Variants in PLAC1 observed in about 807,000 individuals in gnomAD.
PLAC1 encodes the protein placenta-specific protein 1.
For missense variants in PLAC1, 136 were observed against 163.2 expected (o/e 0.83, Z 0.91); for synonymous variants, 68 against 62.1 (o/e 1.09, Z -0.44).
At chrX:134,585,236 C>T (rs1363182356) in intron 2 of PLAC1, among the ~76,000 whole-genome samples, 1 of 103,876 alleles carries the variant, frequency 9.6e-6, no homozygotes, top group Non-Finnish European at 2.0e-5. Context: ...GCCCCAGCTA[C>T]TCGGGAGGCT....
intron 2 of PLAC1, among the ~76,000 whole-genome samples, chrX:134,585,741 G>A (rs1310627713): frequency 9.0e-6 from 1 of 110,678 alleles, no homozygotes; most frequent in Non-Finnish European, 1.9e-5. Flanking sequence ...TCTATGGGGG[G>A]TAGAATTTAA....
In PLAC1 at chrX:134,694,095, C is replaced by G. The variant is rs148361919; in HGVS notation, n.174+39340G>C. On this transcript the variant is annotated intron_variant and non_coding_transcript_variant, in intron 2 of 2. Coordinates refer to the PLAC1 transcript ENST00000466797. ...TTTTTTTCTCATCAAGAATCTAACC[C>G]CTTATAAGACAGGACTTTGCCATAT... Among the ~76,000 whole-genome samples the G allele has an allele frequency of 2.7e-3, 295 of 110,823 alleles. 1 individual carries two copies. The highest frequency in any genetic ancestry group is 4.5e-3 in the Non-Finnish European group (238 of 52,904).
chrX:134,610,960 T>G lies in PLAC1; in HGVS notation c.-130-8838A>C. Among the ~76,000 whole-genome samples the G allele has an allele frequency of 2.7e-5, 3 of 111,286 alleles. No individual in the cohort carries two copies. In the Middle Eastern group the frequency reaches 0.014, roughly 515 times the overall value. On this transcript the variant is annotated intron_variant, in intron 1 of 2. Coordinates refer to ENST00000359237, the MANE Select transcript of PLAC1 (RefSeq NM_021796.4). Reference sequence around the variant, plus strand: ...CTCCTACCCCAGCCTTCTGAGTAGCTTATAGGCTTATAGGTGTGCATCCTC... The same window carrying G: ...CTCCTACCCCAGCCTTCTGAGTAGCGTATAGGCTTATAGGTGTGCATCCTC...
intron 1 of PLAC1, among the ~76,000 whole-genome samples, chrX:134,650,329 C>T (rs1223143644): frequency 8.9e-6 from 1 of 111,798 alleles, no homozygotes; most frequent in Non-Finnish European, 1.9e-5. Context: ...AAAGAGATCA[C>T]ATCTTTCTGC....
intron 1 of PLAC1, among the ~76,000 whole-genome samples, chrX:134,619,446 T>A (rs2078200421): frequency 9.1e-6 from 1 of 109,460 alleles, no homozygotes; most frequent in African/African-American, 3.3e-5. Flanking sequence ...AGGTCAGGAG[T>A]TCAAGACCAG....
chrX:134,735,242 T>C lies in PLAC1; in HGVS notation n.90-1723A>G, dbSNP rs148538872. On this transcript the variant is annotated intron_variant and non_coding_transcript_variant, in intron 1 of 2. Transcript: ENST00000466797. ...CAGGCCCAGCTCACATCACAGCCTC[T>C]GTAACCAGTAGCAATCTCTGTAACC... 2.0e-3 allele frequency among the ~76,000 whole-genome samples: 226 copies of C among 111,587 alleles called. 2 individuals carry two copies. Among genetic ancestry groups the C allele is most frequent in the African/African-American group, 6.9e-3 (212 of 30,708 alleles).
At chrX:134,576,455 G>A (rs1367363834) in intron 2 of PLAC1, among the ~76,000 whole-genome samples, 2 of 107,001 alleles carry the variant, frequency 1.9e-5, no homozygotes, top group Non-Finnish European at 3.8e-5. Flanking sequence ...AGAATCGCTT[G>A]AACCCAGGAG....
chrX:134,667,020 T>C (rs1241453703), intron 2 of PLAC1, among the ~76,000 whole-genome samples: 1 of 112,235 alleles, frequency 8.9e-6, no homozygotes, highest in African/African-American at 3.2e-5. Context: ...TTACACCATG[T>C]GCAAAAATTA....
intron 1 of PLAC1, among the ~76,000 whole-genome samples, chrX:134,657,963 C>T (rs749656928): frequency 2.5e-4 from 28 of 111,049 alleles, no homozygotes; most frequent in Non-Finnish European, 4.7e-4. Context: ...TAAAAAATAC[C>T]CTGTGCAGTT....
intron 1 of PLAC1, among the ~76,000 whole-genome samples, chrX:134,742,391 C>T (rs1057381173): frequency 3.6e-5 from 4 of 111,842 alleles, no homozygotes; most frequent in Non-Finnish European, 7.5e-5. Flanking sequence ...TGTTCGAGAC[C>T]AGCCTGGCCA....
At chrX:134,693,100 G>T (rs2078549798) in intron 2 of PLAC1, among the ~76,000 whole-genome samples, 1 of 111,572 alleles carries the variant, frequency 9.0e-6, no homozygotes, top group Non-Finnish European at 1.9e-5. Flanking sequence ...ACATGGCCCT[G>T]GCTTCCTCCT....
rs188129380 is a variant in PLAC1 at position 134,698,711 on chromosome X, T to C, written n.174+34724A>G. Among the ~76,000 whole-genome samples the C allele has an allele frequency of 7.4e-4, 83 of 111,711 alleles. 1 individual carries two copies. Among genetic ancestry groups the C allele is most frequent in the Non-Finnish European group, 1.4e-3 (75 of 53,157 alleles). On this transcript the variant is annotated intron_variant and non_coding_transcript_variant, in intron 2 of 2. Transcript: ENST00000466797. ...CAATTCTATGACTTGAGTCATTATC[T>C]ATATGCTGATGACTACTAAATTGAT... is the stretch of plus-strand genomic sequence containing the variant.
chrX:134,587,127 A>T (rs924845589), intron 2 of PLAC1, among the ~76,000 whole-genome samples: 1 of 110,388 alleles, frequency 9.1e-6, no homozygotes, highest in Non-Finnish European at 1.9e-5. Context: ...AGAGAGGAGG[A>T]AACTGAGGCC....
chrX:134,583,905 G>A (rs1762515265), intron 2 of PLAC1, among the ~76,000 whole-genome samples: 1 of 110,902 alleles, frequency 9.0e-6, no homozygotes, highest in Non-Finnish European at 1.9e-5. Flanking sequence ...AAGACCCATT[G>A]AGAGGGAGAG....
intron 1 of PLAC1, among the ~76,000 whole-genome samples, chrX:134,652,477 C>G (rs767804266): frequency 3.3e-4 from 37 of 112,061 alleles, no homozygotes; most frequent in African/African-American, 1.2e-3. Flanking sequence ...GACTCCATAG[C>G]AGGGCTATCC....
intron 1 of PLAC1, among the ~76,000 whole-genome samples, chrX:134,739,460 C>T (rs2078711645): frequency 8.9e-6 from 1 of 112,307 alleles, no homozygotes; most frequent in African/African-American, 3.2e-5. Context: ...AGCCTGCCTT[C>T]AATGCTATCC....
chrX:134,595,291 CT>C (rs2078057242), intron 2 of PLAC1, among the ~76,000 whole-genome samples: 1 of 110,460 alleles, frequency 9.1e-6, no homozygotes, highest in Non-Finnish European at 1.9e-5. Flanking sequence ...TATGGTCTAT[CT>C]TGTTCTATGT....
At chrX:134,694,457 A>G (rs985369130) in intron 2 of PLAC1, among the ~76,000 whole-genome samples, 2 of 111,490 alleles carry the variant, frequency 1.8e-5, no homozygotes. Context: ...GCAATTTCCT[A>G]TTGATGCCTG....
chrX:134,589,740 A>G (rs1290193697), intron 2 of PLAC1, among the ~76,000 whole-genome samples: 1 of 107,536 alleles, frequency 9.3e-6, no homozygotes, highest in Non-Finnish European at 1.9e-5. Context: ...AAAAAAAAAA[A>G]AAATACAGTG....
Sources: gnomAD v4.1 joint callset for allele counts (sites outside exome capture counted in the v4.1 genomes callset) on GRCh38, gnomAD v4.1.1 for gene constraint, MANE v1.5 for transcripts, NCBI Gene and HGNC (gene_info 2026-07-23, HGNC 2026-07-21) for gene names.